Variants in RAPGEF2 observed in about 807,000 individuals in gnomAD.
RAPGEF2 encodes the protein Rap guanine nucleotide exchange factor 2, also known as PDZ domain containing guanine nucleotide exchange factor (GEF) 1.
A neutral mutation model predicts 186.7 loss-of-function variants in RAPGEF2; 54 were observed. The observed-to-expected ratio is 0.29, with a 90% confidence interval of 0.23 to 0.36. RAPGEF2 has a LOEUF of 0.36. Ranked by LOEUF, RAPGEF2 falls within the 10% of genes least tolerant of loss-of-function variation. RAPGEF2 has a pLI of 1.00. For missense variants in RAPGEF2, 1,532 were observed against 2,045.0 expected (o/e 0.75, Z 4.84); for synonymous variants, 712 against 705.9 (o/e 1.01, Z -0.14).
intron 1 of RAPGEF2, among the ~76,000 whole-genome samples, chr4:159,146,911 A>AT (rs1743014088): frequency 1.3e-5 from 2 of 152,348 alleles, no homozygotes; most frequent in South Asian, 4.1e-4. Context: ...TCCAAAATAA[A>AT]GGTTTAAAAA....
chr4:159,267,168 A>G (rs1043516627), intron 7 of RAPGEF2: 3 of 1,284,786 alleles, frequency 2.3e-6, no homozygotes, highest in African/African-American at 3.0e-5. Context: ...GACAGACTAC[A>G]GTGTCTTGCT....
chr4:159,255,105 C>G (rs114959598), intron 7 of RAPGEF2, among the ~76,000 whole-genome samples: 1 of 152,132 alleles, frequency 6.6e-6, no homozygotes, highest in Non-Finnish European at 1.5e-5. Flanking sequence ...GATTTGTCAC[C>G]TAGGAGCAAT....
chr4:159,133,627 A>G (rs899542808), intron 1 of RAPGEF2, among the ~76,000 whole-genome samples: 3 of 151,486 alleles, frequency 2.0e-5, no homozygotes, highest in African/African-American at 4.9e-5. Flanking sequence ...TCTGTCACCC[A>G]TGCTGGAGTG....
At chr4:159,356,376 C>T (rs948926357) in intron 29 of RAPGEF2, among the ~76,000 whole-genome samples, 10 of 152,020 alleles carry the variant, frequency 6.6e-5, no homozygotes, top group African/African-American at 2.4e-4. Flanking sequence ...TTAAAAATGC[C>T]AAAGATTATG....
chr4:159,186,463 A>C (rs1252353457), intron 1 of RAPGEF2, among the ~76,000 whole-genome samples, 179 bp from the exon 2 acceptor site: 1 of 152,098 alleles, frequency 6.6e-6, no homozygotes, highest in Non-Finnish European at 1.5e-5. Flanking sequence ...AAGCAGTTGT[A>C]ATGGATGACA....
intron 7 of RAPGEF2, among the ~76,000 whole-genome samples, chr4:159,251,982 G>A (rs531596804): frequency 6.6e-6 from 1 of 152,206 alleles, no homozygotes; most frequent in Non-Finnish European, 1.5e-5. Context: ...CCTGAAGTCA[G>A]AGACCACGAA....
intron 8 of RAPGEF2, among the ~76,000 whole-genome samples, chr4:159,313,374 C>A (rs940516632): frequency 2.0e-5 from 3 of 152,112 alleles, no homozygotes; most frequent in African/African-American, 7.2e-5. Flanking sequence ...TATTTCTCTT[C>A]ACCTAAGTGT....
At chr4:159,295,700 TAA>T (rs1491514916) in intron 7 of RAPGEF2, among the ~76,000 whole-genome samples, 1 of 147,172 alleles carries the variant, frequency 6.8e-6, no homozygotes, top group Admixed American at 6.8e-5. Flanking sequence ...TTGACTAGCA[TAA>T]GAGAGAGAGA....
At position 159,304,456 on chromosome 4, in the gene RAPGEF2, C is replaced by A; in HGVS notation, c.658C>A (p.Leu220Ile). Residue 220 changes from leucine (L) to isoleucine (I), a missense_variant, in exon 8 of 30, where the codon CTT becomes ATT. Around this residue, in one of 4 missense-constraint regions of RAPGEF2, gnomAD observed 810 missense variants for 1,210.5 expected, o/e 0.67. Transcript: ENST00000691494. ...SITSDSGSSS[L>I]SDIYQATESE... ...CACTAGTGATTCTGGGAGCAGCAGT[C>A]TTTCTGATATCTACCAGGTAAGAGG... The A allele has an allele frequency of 6.2e-7, 1 of 1,605,468 alleles. No homozygotes were observed. The highest frequency in any genetic ancestry group is 1.1e-5 in the South Asian group (1 of 90,560).
intron 7 of RAPGEF2, among the ~76,000 whole-genome samples, chr4:159,259,417 C>T (rs78231605): frequency 0.025 from 3,779 of 152,222 alleles, 73 homozygotes; most frequent in Non-Finnish European, 0.037. Context: ...TCAATCTTTT[C>T]GTTAGAAGTT....
intron 7 of RAPGEF2, among the ~76,000 whole-genome samples, chr4:159,271,176 TC>T (rs1419894970): frequency 6.6e-6 from 1 of 152,182 alleles, no homozygotes; most frequent in Admixed American, 6.5e-5. Flanking sequence ...AGCTCTTCTC[TC>T]CCCATCTTGC....
intron 1 of RAPGEF2, among the ~76,000 whole-genome samples, chr4:159,132,358 C>G (rs891100662): frequency 6.6e-6 from 1 of 152,130 alleles, no homozygotes; most frequent in African/African-American, 2.4e-5. Flanking sequence ...CCATCCAGAT[C>G]CTATGGTTGT....
At chr4:159,286,725 T>C (rs1016180063) in intron 7 of RAPGEF2, among the ~76,000 whole-genome samples, 3 of 152,196 alleles carry the variant, frequency 2.0e-5, no homozygotes, top group African/African-American at 7.2e-5. Flanking sequence ...TGCTCAGAAT[T>C]TTATCTGTGA....
intron 1 of RAPGEF2, among the ~76,000 whole-genome samples, chr4:159,141,594 A>ATATG (rs34423998): frequency 1.1e-4 from 16 of 151,108 alleles, no homozygotes; most frequent in Non-Finnish European, 1.8e-4. Context: ...ATATATATAT[A>ATATG]TTTATATATA....
chr4:159,337,537 T>A (rs781265832), intron 17 of RAPGEF2, among the ~76,000 whole-genome samples: 35 of 152,306 alleles, frequency 2.3e-4, no homozygotes, highest in African/African-American at 7.7e-4. Context: ...TATTTTTTTT[T>A]AAATATATTT....
chr4:159,253,879 A>AATGGCGTGAACCCAGGAGG (rs1755798136), intron 7 of RAPGEF2, among the ~76,000 whole-genome samples: 1 of 152,102 alleles, frequency 6.6e-6, no homozygotes, highest in East Asian at 1.9e-4. Context: ...GAGGCAGGAG[A>AATGGCGTGAACCCAGGAGG]ATGGCGTGAA....
chr4:159,132,054 A>T (rs2111134489), intron 1 of RAPGEF2, among the ~76,000 whole-genome samples: 1 of 152,276 alleles, frequency 6.6e-6, no homozygotes, highest in South Asian at 2.1e-4. Context: ...TGCTTATCTA[A>T]CTGTTGCCAT....
intron 17 of RAPGEF2, among the ~76,000 whole-genome samples, chr4:159,333,948 A>T (rs1265998692): frequency 6.6e-6 from 1 of 152,224 alleles, no homozygotes; most frequent in African/African-American, 2.4e-5. Context: ...TAAAATTTTC[A>T]TCCACAGATT....
intron 3 of RAPGEF2, among the ~76,000 whole-genome samples, chr4:159,202,539 C>T (rs866544927): frequency 2.6e-5 from 4 of 152,118 alleles, no homozygotes; most frequent in African/African-American, 7.2e-5. Context: ...ACTTCCGCAA[C>T]GCCTGCCGCT....
Sources: gnomAD v4.1 joint callset for allele counts (sites outside exome capture counted in the v4.1 genomes callset) on GRCh38, gnomAD v4.1.1 for gene constraint, gnomAD v4.1.1 regional missense constraint, MANE v1.5 for transcripts, NCBI Gene and HGNC (gene_info 2026-07-23, HGNC 2026-07-21) for gene names.